The following XCR1 variants were observed in gnomAD, a reference collection of about 807,000 sequenced individuals.
The protein encoded by XCR1 is chemokine XC receptor 1.
For missense variants in XCR1, 356 were observed against 424.2 expected (o/e 0.84, Z 1.41); for synonymous variants, 187 against 188.5 (o/e 0.99, Z 0.06).
rs1708108900 is a variant in XCR1, at chr3:46,019,953, G to A, written c.*993C>T. On this transcript the variant is annotated 3_prime_UTR_variant, in exon 2 of 2. Coordinates refer to ENST00000309285, the MANE Select transcript of XCR1 (RefSeq NM_001024644.2). ...TAGACAGGCATAGTCATTTGGACCT[G>A]GCTGTGGGAGTTGAGGAAAAGAAAA... is the stretch of plus-strand genomic sequence containing the variant. The A allele has an allele frequency of 6.6e-6, 1 of 152,244 alleles. No individual in the cohort carries two copies. The highest frequency in any genetic ancestry group is 2.4e-5 in the African/African-American group (1 of 41,452). The allele number at this position is 152,244 out of a possible 1,614,324, so 9.4% of individuals were successfully genotyped here.
At chr3:46,056,630 C>T (rs1369155479) in intron 4 of XCR1, among the ~76,000 whole-genome samples, 1 of 150,210 alleles carries the variant, frequency 6.7e-6, no homozygotes. Flanking sequence ...CATGCCACCA[C>T]ACCTGGCTAA....
rs1232156222 is a variant in XCR1, at chr3:46,019,027, G to T, written c.*1919C>A. On this transcript the variant is annotated 3_prime_UTR_variant, in exon 2 of 2. Transcript: ENST00000309285. ...TCTTTGTGGCATGGCAAAGTTTAGA[G>T]AGTGGCTTTTATTTATGCCCTTGGG... 6.6e-6 allele frequency: 1 copy of T among 152,188 alleles called. No homozygotes were observed. Among genetic ancestry groups the T allele is most frequent in the Non-Finnish European group, 1.5e-5 (1 of 68,034 alleles). 9.4% of individuals were successfully genotyped at this position (152,188 alleles called of 1,614,324 possible).
intron 5 of XCR1, among the ~76,000 whole-genome samples, chr3:46,046,600 T>G (rs188882118): frequency 6.6e-6 from 1 of 152,344 alleles, no homozygotes; most frequent in East Asian, 1.9e-4. Flanking sequence ...TTTCTGTTTA[T>G]GTATTAATTG....
chr3:46,050,322 G>A (rs989769655), intron 5 of XCR1, among the ~76,000 whole-genome samples: 1 of 152,162 alleles, frequency 6.6e-6, no homozygotes, highest in African/African-American at 2.4e-5. Context: ...AACATCGGTC[G>A]TAGCCAGTTA....
chr3:46,028,773 G>T (rs182460335), upstream of XCR1, among the ~76,000 whole-genome samples: 19 of 152,024 alleles, frequency 1.2e-4, no homozygotes, highest in East Asian at 3.5e-3. Flanking sequence ...TAATTTTTTT[G>T]TAGAGACAGG....
At chr3:46,060,045 A>G (rs1697931977) in intron 4 of XCR1, among the ~76,000 whole-genome samples, 3 of 152,350 alleles carry the variant, frequency 2.0e-5, no homozygotes, top group South Asian at 2.1e-4. Context: ...ATAAAGAGGG[A>G]AAAACTCAAA....
intron 5 of XCR1, among the ~76,000 whole-genome samples, chr3:46,050,142 G>A (rs1291439484): frequency 6.6e-6 from 1 of 152,138 alleles, no homozygotes; most frequent in Admixed American, 6.5e-5. Flanking sequence ...ATAAACAAAA[G>A]CAAAGGTTTT....
intron 1 of XCR1, among the ~76,000 whole-genome samples, chr3:46,023,136 G>T (rs1217137784): frequency 6.6e-6 from 1 of 152,188 alleles, no homozygotes; most frequent in East Asian, 1.9e-4. Flanking sequence ...GGTCGCGGCG[G>T]CGGCGCAGGG....
intron 1 of XCR1, chr3:46,023,353 C>G: frequency 7.3e-7 from 1 of 1,371,790 alleles, no homozygotes; most frequent in Non-Finnish European, 1.0e-6. Context: ...ACGAGCCGAC[C>G]GTTTATTAGC....
At chr3:46,038,652 G>T (rs543879391) in intron 5 of XCR1, among the ~76,000 whole-genome samples, 106 of 152,126 alleles carry the variant, frequency 7.0e-4, no homozygotes, top group African/African-American at 2.5e-3. Context: ...CATTTGATTG[G>T]TTTTGCTTAC....
At chr3:46,084,612 C>T (rs565091728) in intron 1 of XCR1, among the ~76,000 whole-genome samples, 7 of 152,338 alleles carry the variant, frequency 4.6e-5, no homozygotes, top group Admixed American at 2.6e-4. Context: ...TCAGCTCACT[C>T]CTTGCTTTCT....
intron 4 of XCR1, among the ~76,000 whole-genome samples, chr3:46,056,917 C>T (rs1351789100): frequency 6.6e-6 from 1 of 152,152 alleles, no homozygotes. Flanking sequence ...AAGACCGTAG[C>T]AGCTTTACTT....
At chr3:46,064,497 A>G (rs1393177027) in intron 4 of XCR1, among the ~76,000 whole-genome samples, 1 of 152,196 alleles carries the variant, frequency 6.6e-6, no homozygotes, top group Non-Finnish European at 1.5e-5. Context: ...ATGAAGTCCA[A>G]TTCCACTCCC....
At chr3:46,065,365 G>A (rs1698048995) in intron 4 of XCR1, among the ~76,000 whole-genome samples, 1 of 152,108 alleles carries the variant, frequency 6.6e-6, no homozygotes, top group South Asian at 2.1e-4. Context: ...TAGCTTTCTA[G>A]CAACTTAACT....
chr3:46,026,922 C>T (rs7611766), intron 1 of XCR1, among the ~76,000 whole-genome samples: 2,366 of 148,818 alleles, frequency 0.016, 68 homozygotes, highest in African/African-American at 0.053. Context: ...GACAGGGTCT[C>T]GCCCTATCAC....
At chr3:46,032,730 G>A (rs1191500900) in intron 5 of XCR1, among the ~76,000 whole-genome samples, 1 of 152,222 alleles carries the variant, frequency 6.6e-6, no homozygotes, top group African/African-American at 2.4e-5. Context: ...GGATCATTTT[G>A]CACTTCCATC....
intron 5 of XCR1, among the ~76,000 whole-genome samples, chr3:46,048,845 C>T (rs1697684523): frequency 6.6e-6 from 1 of 152,014 alleles, no homozygotes; most frequent in Non-Finnish European, 1.5e-5. Flanking sequence ...TGGTAGTTGG[C>T]CTCCTATACC....
chr3:46,061,699 C>T (rs910953330), intron 4 of XCR1, among the ~76,000 whole-genome samples: 1 of 151,884 alleles, frequency 6.6e-6, no homozygotes, highest in African/African-American at 2.4e-5. Flanking sequence ...TGGGGTCCTG[C>T]GAGGGGAAAG....
intron 5 of XCR1, among the ~76,000 whole-genome samples, chr3:46,048,915 G>A (rs998361561): frequency 2.6e-5 from 4 of 152,138 alleles, no homozygotes; most frequent in African/African-American, 9.7e-5. Context: ...ATAATGCCTT[G>A]TCCTCTAGGA....
Sources: allele counts gnomAD v4.1 joint callset (sites outside exome capture counted in the v4.1 genomes callset), GRCh38; gene constraint gnomAD v4.1.1; transcripts MANE v1.5; gene names NCBI Gene and HGNC (gene_info 2026-07-23, HGNC 2026-07-21).